Variants in VPS41 observed in about 807,000 individuals in gnomAD.
The protein encoded by VPS41 is VPS41 subunit of HOPS complex.
Under a neutral mutation model 130.9 loss-of-function variants are expected in VPS41, and 85 were observed. The ratio of observed to expected loss-of-function variants is 0.65; its 90% CI spans 0.55 to 0.78. The LOEUF (loss-of-function observed/expected upper bound fraction) is 0.78. Among genes scored for constraint, VPS41 ranks in the 30% least tolerant of loss-of-function variants. VPS41 has a pLI of 0.00. For missense variants in VPS41, 874 were observed against 1,018.7 expected (o/e 0.86, Z 1.93); for synonymous variants, 335 against 332.9 (o/e 1.01, Z -0.07).
chr7:38,864,883 G>T (rs937579292), intron 3 of VPS41, among the ~76,000 whole-genome samples: 8 of 151,446 alleles, frequency 5.3e-5, no homozygotes, highest in Non-Finnish European at 1.2e-4. Flanking sequence ...CTACCAGATT[G>T]GGCATCATCC....
At chr7:38,804,056 G>A (rs1236060970) in intron 7 of VPS41, among the ~76,000 whole-genome samples, 1 of 152,180 alleles carries the variant, frequency 6.6e-6, no homozygotes, top group Non-Finnish European at 1.5e-5. Context: ...AACCAGTTCA[G>A]TATAGACAAA....
Position 38,795,574 on chromosome 7 carries a change from A to T in VPS41, c.608T>A (p.Ile203Asn). 6.2e-7 allele frequency: 1 copy of T among 1,612,608 alleles called. No individual in the cohort carries two copies. The highest frequency in any genetic ancestry group is 8.5e-7 in the Non-Finnish European group (1 of 1,179,166). ...KIFDIISKQR[I>N]TNVPRDDISL... ...TATATCATCCCGGGGCACATTGGTG[A>T]TTCTTTGCTTTGAGATGATGTCAAA... The change falls in exon 9 of 29, where the codon ATC becomes AAC. Residue 203 changes from isoleucine to asparagine, a missense_variant. By Grantham distance (149) the Ile-to-Asn change is moderately radical (BLOSUM62 -3). Transcript: ENST00000310301.
intron 3 of VPS41, 53 bp from the exon 4 acceptor site, chr7:38,862,675 C>T (rs1786143513): frequency 1.8e-6 from 2 of 1,100,270 alleles, no homozygotes; most frequent in African/African-American, 1.6e-5. Flanking sequence ...TATTAATACA[C>T]AAGTAGTAAC....
At chr7:38,847,403 A>G (rs1376993160) in intron 4 of VPS41, among the ~76,000 whole-genome samples, 1 of 152,174 alleles carries the variant, frequency 6.6e-6, no homozygotes, top group Non-Finnish European at 1.5e-5. Context: ...CTTTTTTCCC[A>G]GAGAACATTC....
rs1786473922 is a variant in VPS41, at chr7:38,875,519, A to C, written c.61-6266T>G. Among the ~76,000 whole-genome samples the C allele has an allele frequency of 2.0e-5, 3 of 152,324 alleles. No individual in the cohort carries two copies. In the South Asian group the frequency reaches 6.2e-4, roughly 32 times the overall value. On this transcript the variant is annotated intron_variant, in intron 2 of 28. Transcript: ENST00000310301. ...CTGTATGCTATAGTTCTATTAAAGAAAGATCATTTTATTTACACACAAAGA... is the reference window on the plus strand; with the variant it reads ...CTGTATGCTATAGTTCTATTAAAGACAGATCATTTTATTTACACACAAAGA...
chr7:38,878,559 C>T (rs1179734126), intron 2 of VPS41, among the ~76,000 whole-genome samples: 2 of 152,088 alleles, frequency 1.3e-5, no homozygotes, highest in African/African-American at 4.8e-5. Context: ...GTCTAAATAT[C>T]ATAAATCAAA....
At chr7:38,807,692 CTG>C (rs1379302022) in intron 7 of VPS41, among the ~76,000 whole-genome samples, 1 of 152,182 alleles carries the variant, frequency 6.6e-6, no homozygotes, top group Non-Finnish European at 1.5e-5. Flanking sequence ...TGTGAAATGA[CTG>C]TGATTTAGTT....
chr7:38,818,481 T>G (rs1366349007), intron 6 of VPS41, among the ~76,000 whole-genome samples: 4 of 152,156 alleles, frequency 2.6e-5, no homozygotes, highest in Non-Finnish European at 4.4e-5. Context: ...CATCCAATCT[T>G]TCTCCAGCCC....
intron 4 of VPS41, among the ~76,000 whole-genome samples, chr7:38,857,336 A>G (rs1259287732): frequency 6.6e-6 from 1 of 152,222 alleles, no homozygotes; most frequent in East Asian, 1.9e-4. Flanking sequence ...GTCTCTTACT[A>G]TAGTGCCTTA....
At chr7:38,870,377 G>A (rs932931066) in intron 2 of VPS41, among the ~76,000 whole-genome samples, 1 of 152,142 alleles carries the variant, frequency 6.6e-6, no homozygotes, top group African/African-American at 2.4e-5. Context: ...AAGAGGCATC[G>A]GGAAATTGGA....
intron 4 of VPS41, among the ~76,000 whole-genome samples, chr7:38,854,024 T>C (rs1469878271): frequency 6.6e-6 from 1 of 152,252 alleles, no homozygotes; most frequent in Non-Finnish European, 1.5e-5. Flanking sequence ...GATTATTTTT[T>C]AATGCAGACA....
At position 38,742,045 on chromosome 7, in the gene VPS41, T is replaced by C. The variant is rs1468627066; in HGVS notation, c.2199A>G (p.Gly733=). 1 of 1,613,494 alleles carries C rather than the reference T, an allele frequency of 6.2e-7. No homozygotes were observed. The part of the protein sequence containing the change: ...PILLIHRIKE[G]MEIPNLRDSL... ...AATCTCTCAAATTGGGGATCTCCAT[T>C]CCTTCCTTAATACGGTGAATCAGTA... Residue 733 remains glycine, a synonymous_variant, in exon 25 of 29, where the codon GGA becomes GGG. Transcript: ENST00000310301.
At chr7:38,856,309 T>C (rs1415091413) in intron 4 of VPS41, among the ~76,000 whole-genome samples, 1 of 152,046 alleles carries the variant, frequency 6.6e-6, no homozygotes, top group African/African-American at 2.4e-5. Context: ...CTGGCCCTCA[T>C]CTAAATTTAA....
intron 17 of VPS41, among the ~76,000 whole-genome samples, chr7:38,760,045 T>C (rs1405436110): frequency 6.6e-6 from 1 of 152,168 alleles, no homozygotes; most frequent in African/African-American, 2.4e-5. Flanking sequence ...ATCCTGGCTA[T>C]CTCTAGATCT....
intron 2 of VPS41, among the ~76,000 whole-genome samples, chr7:38,873,728 C>T (rs1461792976): frequency 3.3e-5 from 5 of 152,150 alleles, no homozygotes; most frequent in Non-Finnish European, 7.4e-5. Context: ...ATCAATTCCT[C>T]AACTCACATA....
intron 4 of VPS41, among the ~76,000 whole-genome samples, chr7:38,858,214 G>A (rs1349145365): frequency 6.6e-6 from 1 of 152,182 alleles, no homozygotes; most frequent in Non-Finnish European, 1.5e-5. Context: ...GCTTTGCACA[G>A]CTATTTCAAA....
chr7:38,756,048 C>A (rs1392944427), intron 19 of VPS41, among the ~76,000 whole-genome samples: 1 of 152,180 alleles, frequency 6.6e-6, no homozygotes, highest in East Asian at 1.9e-4. Flanking sequence ...ATATAGCACA[C>A]AATATCTCTA....
intron 24 of VPS41, among the ~76,000 whole-genome samples, chr7:38,742,660 T>G (rs1426799417): frequency 6.6e-6 from 1 of 151,984 alleles, no homozygotes; most frequent in Non-Finnish European, 1.5e-5. Context: ...TACTTTATCT[T>G]GCTAGTTACA....
intron 25 of VPS41, among the ~76,000 whole-genome samples, chr7:38,739,023 C>T (rs578190266): frequency 2.9e-4 from 44 of 152,290 alleles, no homozygotes; most frequent in African/African-American, 9.4e-4. Flanking sequence ...TTCTCTAACC[C>T]GCTTTTCCAA....
Sources: allele counts gnomAD v4.1 joint callset (sites outside exome capture counted in the v4.1 genomes callset), GRCh38; gene constraint gnomAD v4.1.1; transcripts MANE v1.5; gene names NCBI Gene and HGNC (gene_info 2026-07-23, HGNC 2026-07-21).